ANO10: variants seen among roughly 807,000 people sequenced by gnomAD.
The protein encoded by ANO10 is anoctamin 10, also known as anoctamin-10.
A neutral mutation model predicts 74.7 loss-of-function variants in ANO10; 77 were observed. The observed-to-expected ratio is 1.03, with a 90% CI of 0.86 to 1.25. ANO10 has a LOEUF of 1.25. ANO10 is among the 50% of genes most tolerant of loss of function. The probability of loss-of-function intolerance (pLI) is 0.00; values close to 1 mark genes in which losing one functional copy is unlikely to be tolerated. For missense variants in ANO10, 721 were observed against 778.1 expected (o/e 0.93, Z 0.87); for synonymous variants, 279 against 284.9 (o/e 0.98, Z 0.21).
chr3:43,503,531 C>A (rs980661845), intron 11 of ANO10, among the ~76,000 whole-genome samples: 8 of 152,224 alleles, frequency 5.3e-5, no homozygotes, highest in African/African-American at 1.9e-4. Context: ...GCTTAAGCAG[C>A]CATGAATGAA....
chr3:43,467,499 A>G (rs2149044514), intron 11 of ANO10, among the ~76,000 whole-genome samples: 1 of 152,382 alleles, frequency 6.6e-6, no homozygotes, highest in East Asian at 1.9e-4. Context: ...AAGAATACTT[A>G]CTATGTTATT....
At chr3:43,425,125 A>G (rs2092878713) in intron 12 of ANO10, among the ~76,000 whole-genome samples, 1 of 152,140 alleles carries the variant, frequency 6.6e-6, no homozygotes, top group Admixed American at 6.5e-5. Flanking sequence ...TTCAATAGTC[A>G]AATACTTTAG....
At chr3:43,444,441 G>C (rs1176570760) in intron 11 of ANO10, among the ~76,000 whole-genome samples, 1 of 152,088 alleles carries the variant, frequency 6.6e-6, no homozygotes, top group Non-Finnish European at 1.5e-5. Context: ...TTGATCACTT[G>C]ACAAGTAAAA....
At chr3:43,560,025 C>A (rs1450240890) in intron 9 of ANO10, among the ~76,000 whole-genome samples, 2 of 152,184 alleles carry the variant, frequency 1.3e-5, no homozygotes, top group African/African-American at 4.8e-5. Context: ...ACAGAAGGGG[C>A]TAGGATCTGT....
intron 1 of ANO10, among the ~76,000 whole-genome samples, chr3:43,615,109 C>T (rs2083033136): frequency 6.6e-6 from 1 of 151,616 alleles, no homozygotes; most frequent in Non-Finnish European, 1.5e-5. Flanking sequence ...AAAATAACAC[C>T]AGCTATCATT....
chr3:43,403,376 T>C (rs2148874846), intron 12 of ANO10, among the ~76,000 whole-genome samples: 1 of 152,322 alleles, frequency 6.6e-6, no homozygotes. Context: ...AAGTGAAACT[T>C]ACTGAGGGAA....
chr3:43,396,654 ATTGTT>A (rs1405853473), intron 12 of ANO10, among the ~76,000 whole-genome samples: 1 of 151,300 alleles, frequency 6.6e-6, no homozygotes, highest in African/African-American at 2.4e-5. Flanking sequence ...GATAAGTTTT[ATTGTT>A]TTTTCTTTTT....
At chr3:43,658,667 A>C (rs900259803) in intron 1 of ANO10, among the ~76,000 whole-genome samples, 7 of 151,980 alleles carry the variant, frequency 4.6e-5, no homozygotes, top group Non-Finnish European at 8.8e-5. Flanking sequence ...ACGGGATTTC[A>C]CCACGTTGGC....
intron 12 of ANO10, among the ~76,000 whole-genome samples, chr3:43,414,101 C>T (rs2092703713): frequency 6.6e-6 from 1 of 151,900 alleles, no homozygotes; most frequent in African/African-American, 2.4e-5. Context: ...TGAGCACCAG[C>T]AAAGATAAAC....
At position 43,566,186 on chromosome 3, in the gene ANO10, C is replaced by T. The variant is rs535677023; in HGVS notation, c.1219-459G>A. Among the ~76,000 whole-genome samples, 26 of 152,188 alleles carry T rather than the reference C, an allele frequency of 1.7e-4. No individual in the cohort carries two copies. In the East Asian group the frequency reaches 4.8e-3, roughly 28 times the overall value. On this transcript the variant is annotated intron_variant, in intron 7 of 12. Transcript: ENST00000292246. ...CCTGCACCTGGCTCGGAGGGTCCTA[C>T]GCCCACGGAGTCTCGCTGATTGCTA...
intron 1 of ANO10, among the ~76,000 whole-genome samples, chr3:43,683,998 A>G (rs1341119650): frequency 6.6e-6 from 1 of 152,240 alleles, no homozygotes. Flanking sequence ...CCTAGGCAAT[A>G]GCATTCAGGA....
rs144453622 is a variant in ANO10, at chr3:43,605,590, A to G, written c.139+124T>C. On this transcript the variant is annotated intron_variant, in intron 2 of 12. Coordinates refer to ENST00000292246, the MANE Select transcript of ANO10 (RefSeq NM_018075.5). ...AAAATTTAACATTAGTAAATAAAATATATCAACGAAAATTATAAAACACAT... is the reference window on the plus strand; with the variant it reads ...AAAATTTAACATTAGTAAATAAAATGTATCAACGAAAATTATAAAACACAT... 3 of 1,309,464 alleles carry G rather than the reference A, an allele frequency of 2.3e-6. No individual in the cohort carries two copies. The East Asian group carries it at 7.3e-5, about 32-fold the overall frequency. 81.1% of individuals were successfully genotyped at this position (1,309,464 alleles called of 1,614,324 possible).
chr3:43,510,298 A>G (rs1331209518), intron 11 of ANO10, among the ~76,000 whole-genome samples: 1 of 151,890 alleles, frequency 6.6e-6, no homozygotes, highest in African/African-American at 2.4e-5. Context: ...AGGCGTGGTG[A>G]TGCATGCCTG....
chr3:43,623,327 C>T (rs1389779217), upstream of ANO10, among the ~76,000 whole-genome samples: 1 of 151,590 alleles, frequency 6.6e-6, no homozygotes, highest in Non-Finnish European at 1.5e-5. Context: ...GTTGTTAATC[C>T]CTTACTGTAC....
chr3:43,630,883 C>CT (rs148788800), intron 1 of ANO10, among the ~76,000 whole-genome samples: 1 of 151,740 alleles, frequency 6.6e-6, no homozygotes, highest in African/African-American at 2.4e-5. Flanking sequence ...TCTTTGATGC[C>CT]TTTTTTTTCC....
chr3:43,599,901 G>A (rs866866480), intron 3 of ANO10, among the ~76,000 whole-genome samples: 382 of 148,188 alleles, frequency 2.6e-3, no homozygotes, highest in African/African-American at 8.2e-3. Context: ...GCGAGACTCT[G>A]TCTCAAAAAA....
At position 43,678,607 on chromosome 3, in the gene ANO10, C is replaced by T. The variant is rs141518351; in HGVS notation, c.-12+12910G>A. ...ATCGATCAGGACCATCTCACATGAA[C>T]CCCTTTAGAGTTGTGAGCCTTTAAA... On this transcript the variant is annotated intron_variant, in intron 1 of 3. Coordinates refer to the ANO10 transcript ENST00000413397. Among the ~76,000 whole-genome samples, 814 of 152,294 alleles carry T rather than the reference C, an allele frequency of 5.3e-3. 9 individuals carry two copies. The highest frequency in any genetic ancestry group is 0.018 in the African/African-American group (765 of 41,566).
intron 4 of ANO10, among the ~76,000 whole-genome samples, chr3:43,583,890 T>C (rs996390341): frequency 1.3e-4 from 20 of 152,246 alleles, no homozygotes; most frequent in African/African-American, 4.3e-4. Context: ...AGACATAATA[T>C]ATGTGCCAGG....
rs529624796 is a variant in ANO10, at chr3:43,537,494, A to G, written c.1797+12226T>C. Among the ~76,000 whole-genome samples the G allele has an allele frequency of 3.2e-4, 49 of 152,084 alleles. No individual in the cohort carries two copies. In the South Asian group the frequency reaches 8.9e-3, roughly 28 times the overall value. On this transcript the variant is annotated intron_variant, in intron 11 of 12. Coordinates refer to ENST00000292246, the MANE Select transcript of ANO10 (RefSeq NM_018075.5). ...TAAAAATGGTCACAGCTGGGGCCCA[A>G]TGATGACAGCTTGGGGGCAACCATA...
Sources: allele counts gnomAD v4.1 joint callset (sites outside exome capture counted in the v4.1 genomes callset), GRCh38; gene constraint gnomAD v4.1.1; transcripts MANE v1.5; gene names NCBI Gene and HGNC (gene_info 2026-07-23, HGNC 2026-07-21).